Variants in ANKS1B observed in about 807,000 individuals in gnomAD.
ANKS1B encodes ankyrin repeat and sterile alpha motif domain-containing protein 1B.
ANKS1B carries 36 observed loss-of-function variants against 148.3 expected under a neutral mutation model. The ratio of observed to expected loss-of-function variants is 0.24; its 90% CI spans 0.19 to 0.32. The LOEUF (loss-of-function observed/expected upper bound fraction) is 0.32. Among genes scored for constraint, ANKS1B ranks in the 10% least tolerant of loss-of-function variants. The probability of loss-of-function intolerance (pLI) is 1.00; values close to 1 mark genes in which losing one functional copy is unlikely to be tolerated. For synonymous variants in ANKS1B, 542 were observed against 560.8 expected (o/e 0.97, Z 0.47); for missense variants, 1,157 against 1,542.6 (o/e 0.75, Z 4.19).
chr12:99,123,539 A>T (rs988385649), intron 15 of ANKS1B, among the ~76,000 whole-genome samples: 3 of 152,176 alleles, frequency 2.0e-5, no homozygotes, highest in African/African-American at 7.2e-5. Context: ...ACAATAGGCC[A>T]CCTGCAAGCT....
chr12:99,391,865 A>T (rs1371774494), intron 12 of ANKS1B, among the ~76,000 whole-genome samples: 1 of 152,262 alleles, frequency 6.6e-6, no homozygotes, highest in African/African-American at 2.4e-5. Context: ...TACAGGAGAC[A>T]CATTTCATGA....
intron 1 of ANKS1B, among the ~76,000 whole-genome samples, chr12:99,968,043 A>C (rs1208312053): frequency 6.6e-6 from 1 of 152,200 alleles, no homozygotes; most frequent in Admixed American, 6.5e-5. Context: ...GGGGTAGAAG[A>C]AGCCAAAGAA....
At chr12:99,365,480 G>A (rs1261853114) in intron 12 of ANKS1B, among the ~76,000 whole-genome samples, 3 of 152,164 alleles carry the variant, frequency 2.0e-5, no homozygotes, top group Non-Finnish European at 4.4e-5. Context: ...AGAAGGGTGT[G>A]AGCCCCAGAG....
intron 8 of ANKS1B, among the ~76,000 whole-genome samples, chr12:99,677,847 C>T (rs888492432): frequency 3.3e-5 from 5 of 152,136 alleles, no homozygotes; most frequent in African/African-American, 1.2e-4. Context: ...GTGGCACGCG[C>T]CTGTAGTCCC....
intron 17 of ANKS1B, among the ~76,000 whole-genome samples, chr12:98,866,806 C>T (rs932534449): frequency 5.3e-5 from 8 of 152,186 alleles, no homozygotes; most frequent in African/African-American, 1.9e-4. Flanking sequence ...CTTAGGTACC[C>T]TCCACTATGC....
Position 99,593,509 on chromosome 12 carries a change from A to G in ANKS1B, c.1272+61558T>C, listed in dbSNP as rs369976563. Reference sequence around the variant, plus strand: ...GAACATTCTCTGCAACAAATAATACACTATGGCAAATAATTTAATGTTAAG... The same window carrying G: ...GAACATTCTCTGCAACAAATAATACGCTATGGCAAATAATTTAATGTTAAG... On this transcript the variant is annotated intron_variant, in intron 9 of 26. Coordinates refer to ENST00000683438, the MANE Select transcript of ANKS1B (RefSeq NM_001352186.2). 2.6e-5 allele frequency among the ~76,000 whole-genome samples: 4 copies of G among 152,152 alleles called. No individual in the cohort carries two copies. In the East Asian group the frequency reaches 5.8e-4, roughly 22 times the overall value.
intron 10 of ANKS1B, among the ~76,000 whole-genome samples, chr12:99,478,619 T>C (rs1471247938): frequency 2.0e-5 from 3 of 152,048 alleles, no homozygotes; most frequent in Non-Finnish European, 4.4e-5. Context: ...AATATTTGTG[T>C]AGTGAGTGAG....
chr12:98,777,985 T>C (rs1174916902), intron 24 of ANKS1B, among the ~76,000 whole-genome samples: 2 of 151,884 alleles, frequency 1.3e-5, no homozygotes, highest in Non-Finnish European at 2.9e-5. Flanking sequence ...GTTAGGGAGG[T>C]TGAAAATCAA....
At chr12:99,652,771 G>A (rs2098429294) in intron 9 of ANKS1B, among the ~76,000 whole-genome samples, 1 of 152,024 alleles carries the variant, frequency 6.6e-6, no homozygotes, top group Non-Finnish European at 1.5e-5. Context: ...AAATAAACAA[G>A]CCTTCAGAAG....
intron 1 of ANKS1B, among the ~76,000 whole-genome samples, chr12:99,906,645 A>T (rs1338084919): frequency 6.6e-6 from 1 of 152,228 alleles, no homozygotes; most frequent in Admixed American, 6.5e-5. Context: ...CTCATGGTTG[A>T]TTAATAATAT....
At chr12:98,787,745 C>T (rs1294373893) in intron 22 of ANKS1B, among the ~76,000 whole-genome samples, 1 of 151,658 alleles carries the variant, frequency 6.6e-6, no homozygotes, top group Non-Finnish European at 1.5e-5. Flanking sequence ...CACAGTGAAA[C>T]CCCATCTATA....
chr12:99,556,248 T>C (rs1052052253), intron 9 of ANKS1B, among the ~76,000 whole-genome samples: 1 of 152,178 alleles, frequency 6.6e-6, no homozygotes, highest in Non-Finnish European at 1.5e-5. Context: ...CTGAGGGTTT[T>C]GTGTATTTCT....
At chr12:99,578,325 C>G (rs2097538223) in intron 9 of ANKS1B, among the ~76,000 whole-genome samples, 1 of 151,972 alleles carries the variant, frequency 6.6e-6, no homozygotes, top group Non-Finnish European at 1.5e-5. Flanking sequence ...ACTAACCACT[C>G]CTATTTATAA....
chr12:99,976,379 C>G (rs1243545952), intron 1 of ANKS1B, among the ~76,000 whole-genome samples: 1 of 152,100 alleles, frequency 6.6e-6, no homozygotes, highest in Non-Finnish European at 1.5e-5. Context: ...AGGCTGGAAT[C>G]TAGAGATGAT....
chr12:99,641,832 T>C (rs1222887912), intron 9 of ANKS1B, among the ~76,000 whole-genome samples: 1 of 152,180 alleles, frequency 6.6e-6, no homozygotes, highest in Non-Finnish European at 1.5e-5. Flanking sequence ...TACACCCTTA[T>C]TGTTGCTAAA....
chr12:99,327,415 T>C (rs1408725424), intron 12 of ANKS1B, among the ~76,000 whole-genome samples: 1 of 130,228 alleles, frequency 7.7e-6, no homozygotes, highest in African/African-American at 3.0e-5. Context: ...TATATAATTA[T>C]ATATTATATT....
chr12:99,120,629 T>C (rs543497613), intron 15 of ANKS1B, among the ~76,000 whole-genome samples: 12 of 152,294 alleles, frequency 7.9e-5, no homozygotes, highest in African/African-American at 2.9e-4. Flanking sequence ...TCACAAACAG[T>C]ACAAAGCTGG....
At chr12:99,320,585 C>T (rs937882898) in intron 12 of ANKS1B, among the ~76,000 whole-genome samples, 1 of 152,100 alleles carries the variant, frequency 6.6e-6, no homozygotes, top group South Asian at 2.1e-4. Context: ...TCCTAGTTAG[C>T]CATTCGTCTA....
intron 12 of ANKS1B, among the ~76,000 whole-genome samples, chr12:99,381,631 T>C (rs1192777777): frequency 1.3e-5 from 2 of 152,204 alleles, no homozygotes; most frequent in African/African-American, 2.4e-5. Flanking sequence ...AAGGCAGTTG[T>C]GGTGACCTAA....
Sources: allele counts gnomAD v4.1 joint callset (sites outside exome capture counted in the v4.1 genomes callset), GRCh38; gene constraint gnomAD v4.1.1; transcripts MANE v1.5; gene names NCBI Gene and HGNC (gene_info 2026-07-23, HGNC 2026-07-21).